CADM1: variants seen among roughly 807,000 people sequenced by gnomAD.
CADM1 encodes the protein cell adhesion molecule 1.
In CADM1, 15 loss-of-function variants were observed where a neutral mutation model predicts 53.1. The observed-to-expected ratio is 0.28, with a 90% CI of 0.19 to 0.44. CADM1 has a LOEUF of 0.44. Ranked by LOEUF, CADM1 falls within the 20% of genes least tolerant of loss-of-function variation. The pLI is 1.00. For synonymous variants in CADM1, 281 were observed against 243.0 expected (o/e 1.16, Z -1.45); for missense variants, 434 against 611.3 (o/e 0.71, Z 3.06).
chr11:115,501,362 A>T (rs1949722312), intron 1 of CADM1, among the ~76,000 whole-genome samples: 1 of 152,298 alleles, frequency 6.6e-6, no homozygotes, highest in East Asian at 1.9e-4. Context: ...CCAACAGGCC[A>T]AAGCAAGCAA....
At chr11:115,490,148 T>C (rs1240807611) in intron 1 of CADM1, among the ~76,000 whole-genome samples, 2 of 152,174 alleles carry the variant, frequency 1.3e-5, no homozygotes, top group African/African-American at 4.8e-5. Flanking sequence ...GTGTTAAGGA[T>C]GCATTACAAG....
At chr11:115,349,782 T>C (rs150292799) in intron 1 of CADM1, among the ~76,000 whole-genome samples, 226 of 152,314 alleles carry the variant, frequency 1.5e-3, no homozygotes, top group African/African-American at 5.0e-3. Context: ...CTTCCTGTCC[T>C]CCCTATTTCA....
intron 1 of CADM1, among the ~76,000 whole-genome samples, chr11:115,345,929 G>T (rs554924396): frequency 7.9e-5 from 11 of 139,438 alleles, no homozygotes; most frequent in Non-Finnish European, 1.1e-4. Context: ...GCAATTATCT[G>T]AAAAGATAAT....
intron 8 of CADM1, among the ~76,000 whole-genome samples, chr11:115,201,141 C>A (rs991593141): frequency 1.3e-5 from 2 of 152,154 alleles, no homozygotes; most frequent in African/African-American, 4.8e-5. Context: ...ACAGCAAACA[C>A]ATGTTCAAGT....
Position 115,176,599 on chromosome 11 carries a change from G to A in CADM1, c.1298-7C>T, listed in dbSNP as rs1321137522. On this transcript the variant is annotated splice_region_variant and splice_polypyrimidine_tract_variant and intron_variant, in intron 11 of 11. Transcript: ENST00000331581. ...TCATGAGTGAAGTATGTACCTGAAAGATGAAGGGGTAAAGCACCGTGACTG... is the reference window on the plus strand; with the variant it reads ...TCATGAGTGAAGTATGTACCTGAAAAATGAAGGGGTAAAGCACCGTGACTG... The A allele has an allele frequency of 6.2e-7, 1 of 1,612,376 alleles. No homozygotes were observed. Among genetic ancestry groups the A allele is most frequent in the Non-Finnish European group, 8.5e-7 (1 of 1,178,410 alleles).
At chr11:115,503,176 C>A (rs1417493072) in intron 1 of CADM1, among the ~76,000 whole-genome samples, 1 of 152,184 alleles carries the variant, frequency 6.6e-6, no homozygotes, top group Non-Finnish European at 1.5e-5. Context: ...CACAGCCGGC[C>A]TCTCCGCTGA....
intron 1 of CADM1, among the ~76,000 whole-genome samples, chr11:115,487,579 A>T (rs542632546): frequency 8.5e-5 from 13 of 152,322 alleles, no homozygotes; most frequent in Non-Finnish European, 1.6e-4. Flanking sequence ...CTACTATCTT[A>T]GTCTGAAATT....
intron 1 of CADM1, among the ~76,000 whole-genome samples, chr11:115,496,193 A>G (rs1350452941): frequency 6.6e-6 from 1 of 152,178 alleles, no homozygotes; most frequent in Non-Finnish European, 1.5e-5. Flanking sequence ...AAACATAATC[A>G]TGTATAAACC....
intron 1 of CADM1, among the ~76,000 whole-genome samples, chr11:115,462,569 G>C (rs1948819470): frequency 6.6e-6 from 1 of 152,158 alleles, no homozygotes. Flanking sequence ...TAACACCAGA[G>C]CAGAGCCCCA....
chr11:115,418,905 G>A (rs1002611537), intron 1 of CADM1, among the ~76,000 whole-genome samples: 3 of 152,084 alleles, frequency 2.0e-5, no homozygotes, highest in African/African-American at 7.2e-5. Flanking sequence ...GTCTACTAAA[G>A]ATAAAAGATT....
chr11:115,181,104 A>G (rs1430948927), intron 10 of CADM1, among the ~76,000 whole-genome samples: 2 of 146,620 alleles, frequency 1.4e-5, no homozygotes, highest in African/African-American at 5.1e-5. Context: ...TATCTTGTCC[A>G]CTCTTAATAA....
intron 1 of CADM1, among the ~76,000 whole-genome samples, chr11:115,301,698 G>C (rs962968208): frequency 6.6e-6 from 1 of 152,030 alleles, no homozygotes; most frequent in Non-Finnish European, 1.5e-5. Context: ...TTCCAATCCA[G>C]ACTTCGCTGT....
In CADM1 at chr11:115,174,464, C is replaced by T. The variant is rs1938927384; in HGVS notation, c.*2010G>A. On this transcript the variant is annotated 3_prime_UTR_variant, in exon 12 of 12. Coordinates refer to ENST00000331581, the MANE Select transcript of CADM1 (RefSeq NM_001301043.2). ...AGGGATGTTCATTGTGGCTTTTTGT[C>T]TTGGTTAAGTGCCTAGGGATAGGGG... The T allele has an allele frequency of 1.0e-6, 1 of 985,522 alleles. No individual in the cohort carries two copies. Among genetic ancestry groups the T allele is most frequent in the Non-Finnish European group, 1.2e-6 (1 of 829,880 alleles). The allele number at this position is 985,522 out of a possible 1,614,324, so 61.0% of individuals were successfully genotyped here. A position where few individuals can be genotyped will look rare whatever the true frequency, so the allele number is the denominator to read the frequency against.
chr11:115,483,884 G>T (rs1370631550), intron 1 of CADM1, among the ~76,000 whole-genome samples: 1 of 152,166 alleles, frequency 6.6e-6, no homozygotes, highest in Admixed American at 6.5e-5. Context: ...GAACAGCACA[G>T]ATATGGACTA....
At position 115,338,907 on chromosome 11, in the gene CADM1, T is replaced by A. The variant is rs1232253338; in HGVS notation, c.125-98487A>T. 3.2e-3 allele frequency among the ~76,000 whole-genome samples: 449 copies of A among 140,192 alleles called. 3 individuals carry two copies. The highest frequency in any genetic ancestry group is 0.011 in the African/African-American group (428 of 37,716). The allele number at this position is 140,192 out of a possible 152,430, so 92.0% of individuals were successfully genotyped here. ...TTTTTTTTTAATTTTTTTTTTTTTT[T>A]ATTATACTCTAAGTTTTAGGGTACA... On this transcript the variant is annotated intron_variant, in intron 1 of 11. Coordinates refer to ENST00000331581, the MANE Select transcript of CADM1 (RefSeq NM_001301043.2).
intron 1 of CADM1, among the ~76,000 whole-genome samples, chr11:115,284,025 G>C (rs1943654603): frequency 6.6e-6 from 1 of 151,898 alleles, no homozygotes; most frequent in African/African-American, 2.4e-5. Context: ...TATTGAGGCT[G>C]AAAGTGGCGT....
intron 1 of CADM1, among the ~76,000 whole-genome samples, chr11:115,417,909 C>T (rs774657574): frequency 2.6e-4 from 39 of 152,256 alleles, no homozygotes; most frequent in Non-Finnish European, 4.4e-4. Flanking sequence ...CTAAAGCAAA[C>T]GACACCTGTA....
At chr11:115,248,688 G>C (rs927948450) in intron 1 of CADM1, among the ~76,000 whole-genome samples, 2 of 152,132 alleles carry the variant, frequency 1.3e-5, no homozygotes, top group African/African-American at 4.8e-5. Context: ...GGTTGCATGG[G>C]CTTTTCGTTC....
At chr11:115,453,299 C>T (rs1948613983) in intron 1 of CADM1, among the ~76,000 whole-genome samples, 1 of 151,268 alleles carries the variant, frequency 6.6e-6, no homozygotes, top group Non-Finnish European at 1.5e-5. Flanking sequence ...CCTGGGAGCT[C>T]ATGGCTGCAG....
Sources: allele counts gnomAD v4.1 joint callset (sites outside exome capture counted in the v4.1 genomes callset), GRCh38; gene constraint gnomAD v4.1.1; transcripts MANE v1.5; gene names NCBI Gene and HGNC (gene_info 2026-07-23, HGNC 2026-07-21).